The following GPSM1 variants were observed in gnomAD, a reference collection of about 807,000 sequenced individuals.
The protein encoded by GPSM1 is G protein signaling modulator 1.
GPSM1 carries 48 observed loss-of-function variants against 70.5 expected under a neutral mutation model. The ratio of observed to expected loss-of-function variants is 0.68; its 90% CI spans 0.54 to 0.87. The LOEUF is 0.87. Among genes scored for constraint, GPSM1 ranks in the 40% least tolerant of loss-of-function variants. The pLI is 0.00. For missense variants in GPSM1, 981 were observed against 972.6 expected (o/e 1.01, Z -0.11); for synonymous variants, 416 against 430.1 (o/e 0.97, Z 0.41).
chr9:136,346,631 C>G (rs1449166121), intron 9 of GPSM1, among the ~76,000 whole-genome samples: 4 of 152,208 alleles, frequency 2.6e-5, no homozygotes, highest in African/African-American at 9.7e-5. Flanking sequence ...GACAGCAGCC[C>G]CCCAGCAAGA....
intron 7 of GPSM1, among the ~76,000 whole-genome samples, chr9:136,339,227 G>T (rs1832326530): frequency 6.6e-6 from 1 of 152,384 alleles, no homozygotes; most frequent in East Asian, 1.9e-4. Flanking sequence ...TGCACAGCAT[G>T]AATGTACAAA....
chr9:136,356,654 T>A, intron 13 of GPSM1, 104 bp downstream of exon 13: 1 of 800,090 alleles, frequency 1.2e-6, no homozygotes, highest in Non-Finnish European at 2.0e-6. Context: ...GGTTCTGCCA[T>A]CTCCGGTCAT....
At chr9:136,328,771 C>A (rs1268698676) in intron 1 of GPSM1, among the ~76,000 whole-genome samples, 2 of 152,176 alleles carry the variant, frequency 1.3e-5, no homozygotes, top group African/African-American at 4.8e-5. Flanking sequence ...GAGCGCTGAG[C>A]CCCTAGCCTG....
At chr9:136,355,897 A>G (rs2131417035) in intron 12 of GPSM1, 51 bp downstream of exon 12, 2 of 1,469,462 alleles carry the variant, frequency 1.4e-6, no homozygotes, top group East Asian at 2.3e-5. Context: ...TGCAGGGGCC[A>G]GGACCAGGGC....
At chr9:136,352,987 G>A in intron 11 of GPSM1, 1 of 595,254 alleles carries the variant, frequency 1.7e-6, no homozygotes, top group Non-Finnish European at 2.1e-6. Context: ...GGAGGGCCGA[G>A]CCCTTGCCCA....
Position 136,327,739 on chromosome 9 carries a change from C to T in GPSM1, c.44C>T (p.Pro15Leu), listed in dbSNP as rs1215457763. 5.9e-6 allele frequency: 7 copies of T among 1,193,866 alleles called. No individual in the cohort carries two copies. The highest frequency in any genetic ancestry group is 7.3e-6 in the Non-Finnish European group (7 of 964,240). The allele number at this position is 1,193,866 out of a possible 1,614,324, so 74.0% of individuals were successfully genotyped here. A position where few individuals can be genotyped will look rare whatever the true frequency, so the allele number is the denominator to read the frequency against. ...APPAADELPG[P>L]AARRLYSRME... ...CCCGCGGCCGACGAGCTCCCGGGCC[C>T]GGCCGCCAGGCGCCTCTACTCCAGG... The change falls in exon 1 of 14, where the codon CCG becomes CTG. Residue 15 changes from proline to leucine, a missense_variant. Pro to Leu is a moderately conservative substitution (Grantham distance 98). Coordinates refer to ENST00000440944, the MANE Select transcript of GPSM1 (RefSeq NM_001145638.3).
intron 2 of GPSM1, among the ~76,000 whole-genome samples, 198 bp from the exon 3 acceptor site, chr9:136,335,768 C>G (rs1318156176): frequency 6.6e-6 from 1 of 152,200 alleles, no homozygotes; most frequent in Admixed American, 6.5e-5. Context: ...CCAGCAGAGC[C>G]CATACCCAGG....
At chr9:136,351,020 C>G (rs1042043424) in intron 11 of GPSM1, among the ~76,000 whole-genome samples, 14 of 152,192 alleles carry the variant, frequency 9.2e-5, no homozygotes, top group Non-Finnish European at 1.5e-5. Flanking sequence ...AGTCCGGGTT[C>G]GGAGGTCAGC....
At chr9:136,331,248 GCCCCACGTGGCCCTGA>G (rs1832091052) in intron 1 of GPSM1, among the ~76,000 whole-genome samples, 1 of 152,096 alleles carries the variant, frequency 6.6e-6, no homozygotes, top group African/African-American at 2.4e-5. Context: ...CATCCCCCAG[GCCCCACGTGGCCCTGA>G]CCCCGTCAGA....
rs1463575186 is a variant in GPSM1, at chr9:136,340,507, CG to C, written c.1084-360del. Among the ~76,000 whole-genome samples, 1 of 151,940 alleles carries C rather than the reference CG, an allele frequency of 6.6e-6. No individual in the cohort carries two copies. The highest frequency in any genetic ancestry group is 2.4e-5 in the African/African-American group (1 of 41,350). ...AGTTCCTGAGTGATGTGGATGTTCC[CG>C]GGAGGGTCCCCCACAGAGCCTCGGC... On this transcript the variant is annotated intron_variant, in intron 8 of 13. Transcript: ENST00000440944. The surrounding 1 kb of genome is among the most constrained non-coding windows in gnomAD (Gnocchi z 7.3).
chr9:136,346,026 C>T (rs931635378), intron 9 of GPSM1, among the ~76,000 whole-genome samples: 6 of 152,204 alleles, frequency 3.9e-5, no homozygotes, highest in East Asian at 1.9e-4. Context: ...CACAGGGTGG[C>T]GATGGGAGCC....
At chr9:136,352,895 G>A (rs1031565835) in intron 11 of GPSM1, among the ~76,000 whole-genome samples, 5 of 152,100 alleles carry the variant, frequency 3.3e-5, no homozygotes, top group Admixed American at 2.0e-4. Context: ...TACGGAGTGC[G>A]CCTGTGTGTG....
At chr9:136,347,410 G>A (rs1324190977) in intron 9 of GPSM1, among the ~76,000 whole-genome samples, 2 of 151,550 alleles carry the variant, frequency 1.3e-5, no homozygotes, top group Non-Finnish European at 2.9e-5. Flanking sequence ...GGAAGACTGG[G>A]TAAGGGTGGG....
chr9:136,335,407 C>T (rs1384024305), intron 2 of GPSM1, among the ~76,000 whole-genome samples: 2 of 152,160 alleles, frequency 1.3e-5, no homozygotes, highest in African/African-American at 4.8e-5. Context: ...CACGGGAGCA[C>T]GCTTCCCTTG....
rs558743908 is a variant in GPSM1 at position 136,356,508 on chromosome 9, G to C, written c.1779G>C (p.Gln593His). ...ACCTCCGAGGCCACGGCGAGCCCCA[G>C]GAGCCGGGGGACGACTTCTTCAACA... ...AGHLRGHGEPQEPGDDFFNML... is the reference protein window; with the variant it reads ...AGHLRGHGEPHEPGDDFFNML... Residue 593 changes from glutamine to histidine, a missense_variant, in exon 13 of 14, where the codon CAG (glutamine) becomes CAC (histidine). Gln to His is a conservative substitution (Grantham distance 24, BLOSUM62 0). Coordinates refer to ENST00000440944, the MANE Select transcript of GPSM1 (RefSeq NM_001145638.3). The C allele has an allele frequency of 7.1e-5, 114 of 1,612,062 alleles. 1 individual carries two copies. In the South Asian group the frequency reaches 1.2e-3, roughly 17 times the overall value.
rs528633878 is a variant in GPSM1, at chr9:136,351,188, C to G, written c.1455+1425C>G. On this transcript the variant is annotated intron_variant, in intron 11 of 13. Coordinates refer to ENST00000440944, the MANE Select transcript of GPSM1 (RefSeq NM_001145638.3). ...GCCCATCCTTCCCACCAGCAGGGCA[C>G]AGCCTACCTTCCCCTCATTCAGCCC... 6.2e-4 allele frequency among the ~76,000 whole-genome samples: 95 copies of G among 152,232 alleles called. 1 individual carries two copies. The East Asian group carries it at 0.016, about 26-fold the overall frequency.
intron 1 of GPSM1, among the ~76,000 whole-genome samples, chr9:136,331,199 G>A (rs1310246923): frequency 2.0e-5 from 3 of 152,182 alleles, no homozygotes; most frequent in Admixed American, 1.3e-4. Context: ...CTAGGGGAAC[G>A]TGGTCCATGC....
chr9:136,344,243 G>A (rs1235612228), intron 9 of GPSM1, among the ~76,000 whole-genome samples: 6 of 149,438 alleles, frequency 4.0e-5, no homozygotes, highest in African/African-American at 1.5e-4. Context: ...GGGGTGGGGC[G>A]CAGACAGGAG....
chr9:136,331,341 G>C (rs4075083), intron 1 of GPSM1, among the ~76,000 whole-genome samples: 44,114 of 150,556 alleles, frequency 0.29, 7,542 homozygotes, highest in Middle Eastern at 0.48. Flanking sequence ...GCAGACGTGG[G>C]GCTGGCATGG....
Sources: gnomAD v4.1 joint callset for allele counts (sites outside exome capture counted in the v4.1 genomes callset) on GRCh38, gnomAD v4.1.1 for gene constraint, Gnocchi (gnomAD v3.1) non-coding constraint, MANE v1.5 for transcripts, NCBI Gene and HGNC (gene_info 2026-07-23, HGNC 2026-07-21) for gene names.